Variants in NKTR observed in about 807,000 individuals in gnomAD.
NKTR encodes the protein natural killer cell triggering receptor.
NKTR carries 67 observed loss-of-function variants against 156.3 expected under a neutral mutation model. That is an observed-to-expected ratio of 0.43 (90% CI 0.35 to 0.53). The LOEUF (loss-of-function observed/expected upper bound fraction) is 0.53, where lower values mean the gene tolerates loss of function less well. NKTR is among the 20% of genes least tolerant of loss of function. The probability of loss-of-function intolerance (pLI) is 0.01; values close to 1 mark genes in which losing one functional copy is unlikely to be tolerated. For synonymous variants in NKTR, 640 were observed against 596.6 expected, an observed-to-expected ratio of 1.07 and a Z score of -1.06; for missense variants, 1,604 against 1,730.9, an observed-to-expected ratio of 0.93 and a Z score of 1.30.
At chr3:42,610,224 G>A (rs1281122187) in intron 2 of NKTR, among the ~76,000 whole-genome samples, 1 of 152,010 alleles carries the variant, frequency 6.6e-6, no homozygotes, top group Non-Finnish European at 1.5e-5. Flanking sequence ...GGCTGGTCTC[G>A]AACTCCCGAC....
chr3:42,615,280 T>C (rs991312874), intron 2 of NKTR, among the ~76,000 whole-genome samples: 1 of 152,054 alleles, frequency 6.6e-6, no homozygotes, highest in African/African-American at 2.4e-5. Context: ...GGTTTCATCA[T>C]GTTGGCCAGG....
intron 12 of NKTR, among the ~76,000 whole-genome samples, chr3:42,636,145 A>G (rs1559582129): frequency 6.6e-6 from 1 of 152,182 alleles, no homozygotes; most frequent in Non-Finnish European, 1.5e-5. Flanking sequence ...AGTGAAAAAT[A>G]TACTAATGGG....
In NKTR at chr3:42,643,942, CGAAGTA is replaced by C. The variant is rs761254631; in HGVS notation, c.4245_4250del (p.Arg1416_Ser1417del). 31 of 1,613,798 alleles carry C rather than the reference CGAAGTA, an allele frequency of 1.9e-5. No individual in the cohort carries two copies. In the Middle Eastern group the frequency reaches 1.2e-3, roughly 60 times the overall value. ...TAGCTACTATAGCAGGAGTCGGAGT[CGAAGTA>C]GAAGCCAGAGAAGTGACAGTTACCA... On this transcript the variant is annotated inframe_deletion, in exon 16 of 17. Transcript: ENST00000232978.
rs148599396 is a variant in NKTR, at chr3:42,637,214, G to A, written c.1510G>A (p.Asp504Asn). 5.6e-6 allele frequency: 9 copies of A among 1,611,262 alleles called. No individual in the cohort carries two copies. The highest frequency in any genetic ancestry group is 7.6e-6 in the Non-Finnish European group (9 of 1,179,278). The change falls in exon 13 of 17, where the codon GAT (aspartate) becomes AAT (asparagine). Residue 504 changes from aspartate to asparagine, a missense_variant. Asp to Asn is a conservative substitution (Grantham distance 23). This residue lies in a region of NKTR where 1,255 missense variants were observed against 1,243.7 expected (regional missense o/e 1.01). Coordinates refer to ENST00000232978, the MANE Select transcript of NKTR (RefSeq NM_005385.4). Reference sequence around the variant, plus strand: ...ATCAAAGAGAGACTGGTCTAAATCTGATAAGGATGTCCAGAGCTCTTTAAC... The same window carrying A: ...ATCAAAGAGAGACTGGTCTAAATCTAATAAGGATGTCCAGAGCTCTTTAAC... The part of the protein sequence containing the change: ...HSSKRDWSKS[D>N]KDVQSSLTHS...
chr3:42,628,655 A>G, intron 6 of NKTR: 1 of 985,402 alleles, frequency 1.0e-6, no homozygotes, highest in Non-Finnish European at 1.2e-6. Flanking sequence ...CATCGTTTTT[A>G]CTTCTAAATA....
intron 2 of NKTR, among the ~76,000 whole-genome samples, chr3:42,614,394 C>T (rs182430311): frequency 2.0e-5 from 3 of 150,712 alleles, no homozygotes; most frequent in Admixed American, 1.3e-4. Context: ...TTGCCATCAC[C>T]GAAAATATTT....
At position 42,637,538 on chromosome 3, in the gene NKTR, G is replaced by A; in HGVS notation, c.1834G>A (p.Asp612Asn). The change falls in exon 13 of 17, where the codon GAC (aspartate) becomes AAC (asparagine). Residue 612 changes from aspartate (D) to asparagine (N), a missense_variant. Coordinates refer to ENST00000232978, the MANE Select transcript of NKTR (RefSeq NM_005385.4). ...AENIPVIPLS[D>N]SPPPSRWKPG... ...AAATATTCCTGTAATACCACTGAGT[G>A]ACAGTCCCCCCCCTTCAAGATGGAA... The A allele has an allele frequency of 6.2e-7, 1 of 1,614,038 alleles. No homozygotes were observed.
In NKTR at chr3:42,633,717, TTAC is replaced by T. The variant is rs1709123831; in HGVS notation, c.913_915del (p.Thr305del). ...TTACTGAGAAGAGATATGCCTGTTG[TTAC>T]TGCAGAACCTGAACCGTAAGTAGGA... On this transcript the variant is annotated inframe_deletion, in exon 10 of 17. Transcript: ENST00000232978. The T allele has an allele frequency of 5.6e-6, 9 of 1,614,096 alleles. No individual in the cohort carries two copies. The highest frequency in any genetic ancestry group is 7.6e-6 in the Non-Finnish European group (9 of 1,179,958).
intron 6 of NKTR, chr3:42,628,536 T>G: frequency 1.0e-6 from 1 of 985,448 alleles, no homozygotes; most frequent in Non-Finnish European, 1.2e-6. Context: ...ATTGGGCTCT[T>G]TATGTTTTAA....
intron 6 of NKTR, chr3:42,627,676 T>C (rs1354312028): frequency 2.0e-6 from 2 of 983,442 alleles, no homozygotes; most frequent in Non-Finnish European, 2.4e-6. Context: ...GAAAAATCAC[T>C]GTCTTTAAGT....
intron 1 of NKTR, 69 bp from the exon 2 acceptor site, chr3:42,600,915 C>CGCACTCGCCCCT: frequency 1.0e-6 from 1 of 983,166 alleles, no homozygotes; most frequent in Non-Finnish European, 1.4e-6. Context: ...GTCTCAGCCC[C>CGCACTCGCCCCT]GCCCTCGCCC....
chr3:42,601,722 C>T (rs1705498859), intron 2 of NKTR: 1 of 152,112 alleles, frequency 6.6e-6, no homozygotes, highest in Non-Finnish European at 1.5e-5. Context: ...AGTAGCAGAG[C>T]GTGCAGGGTT....
At position 42,637,717 on chromosome 3, in the gene NKTR, G is replaced by A. The variant is rs201454719; in HGVS notation, c.2013G>A (p.Ser671=). The A allele has an allele frequency of 3.3e-5, 54 of 1,613,948 alleles. No homozygotes were observed. The highest frequency in any genetic ancestry group is 2.7e-4 in the African/African-American group (20 of 74,996). The change falls in exon 13 of 17, where the codon TCG becomes TCA. Residue 671 remains serine, a synonymous_variant. Transcript: ENST00000232978. ...SSSYHKREKN[S]ESDQSTYSKY... is the part of the protein sequence containing the mutation. ...CCTACCATAAAAGAGAAAAAAATTC[G>A]GAAAGTGATCAGAGCACTTATTCAA...
At chr3:42,600,944 T>C in intron 1 of NKTR, 40 bp from the exon 2 acceptor site, 1 of 1,068,942 alleles carries the variant, frequency 9.4e-7, no homozygotes. Context: ...GCCCCCGCCC[T>C]CGCCCCTGCC....
intron 6 of NKTR, chr3:42,628,808 C>T (rs1157380575): frequency 2.2e-6 from 1 of 457,124 alleles, no homozygotes. Flanking sequence ...TTGAGACCAG[C>T]TTGGCCAACA....
At chr3:42,609,873 G>C (rs1706598813) in intron 2 of NKTR, among the ~76,000 whole-genome samples, 1 of 152,130 alleles carries the variant, frequency 6.6e-6, no homozygotes, top group South Asian at 2.1e-4. Flanking sequence ...AACAACTTCA[G>C]TATCTGTTGG....
At chr3:42,603,735 T>C (rs970108719) in intron 2 of NKTR, among the ~76,000 whole-genome samples, 16 of 147,890 alleles carry the variant, frequency 1.1e-4, no homozygotes, top group South Asian at 2.1e-4. Context: ...TACACAACTT[T>C]TTTTTTTTTT....
At position 42,637,739 on chromosome 3, in the gene NKTR, T is replaced by C. The variant is rs1240800043; in HGVS notation, c.2035T>C (p.Ser679Pro). 6.2e-7 allele frequency: 1 copy of C among 1,614,036 alleles called. No individual in the cohort carries two copies. The highest frequency in any genetic ancestry group is 1.7e-5 in the Admixed American group (1 of 59,994). The change falls in exon 13 of 17, where the codon TCA becomes CCA. Residue 679 changes from serine (S) to proline (P), a missense_variant. By Grantham distance (74) the Ser-to-Pro change is moderately conservative. Around this residue, in one of 6 missense-constraint regions of NKTR, gnomAD observed 1,255 missense variants for 1,243.7 expected, o/e 1.01. Coordinates refer to ENST00000232978, the MANE Select transcript of NKTR (RefSeq NM_005385.4). ...KNSESDQSTY[S>P]KYSDRSSESS... is the part of the protein sequence containing the mutation. ...TTCGGAAAGTGATCAGAGCACTTAT[T>C]CAAAATACAGTGATAGAAGTTCAGA...
At chr3:42,619,884 T>G in intron 5 of NKTR, 176 bp downstream of exon 5, 22 of 1,412,380 alleles carry the variant, frequency 1.6e-5, no homozygotes, top group Non-Finnish European at 2.0e-5. Context: ...AATATATAAT[T>G]TTTAATTGAC....
Sources: allele counts gnomAD v4.1 joint callset (sites outside exome capture counted in the v4.1 genomes callset), GRCh38; gene constraint gnomAD v4.1.1; regional missense constraint gnomAD v4.1.1; transcripts MANE v1.5; gene names NCBI Gene and HGNC (gene_info 2026-07-23, HGNC 2026-07-21).